The following ABCG1 variants were observed in gnomAD, a reference collection of about 807,000 sequenced individuals.
The protein encoded by ABCG1 is ATP binding cassette subfamily G member 1.
ABCG1 carries 29 observed loss-of-function variants against 69.2 expected under a neutral mutation model. The ratio of observed to expected loss-of-function variants is 0.42; its 90% CI spans 0.31 to 0.57. The LOEUF is 0.57. ABCG1 is among the 20% of genes least tolerant of loss of function. The pLI, the probability that ABCG1 is intolerant of heterozygous loss-of-function variation, is 0.15. For synonymous variants in ABCG1, 370 were observed against 374.8 expected (o/e 0.99, Z 0.15); for missense variants, 718 against 898.1 (o/e 0.80, Z 2.56).
chr21:42,232,609 C>T (rs1404120184), intron 2 of ABCG1, among the ~76,000 whole-genome samples: 1 of 152,198 alleles, frequency 6.6e-6, no homozygotes, highest in Non-Finnish European at 1.5e-5. Flanking sequence ...GGGTTGGTGT[C>T]ACTGTTTAAC....
chr21:42,240,573 C>T (rs2068036923), intron 2 of ABCG1, among the ~76,000 whole-genome samples: 1 of 152,228 alleles, frequency 6.6e-6, no homozygotes, highest in African/African-American at 2.4e-5. Context: ...GCCTCAGCCT[C>T]CCACGTAGCT....
intron 3 of ABCG1, among the ~76,000 whole-genome samples, chr21:42,272,154 A>G (rs895245579): frequency 6.6e-6 from 1 of 152,268 alleles, no homozygotes; most frequent in Non-Finnish European, 1.5e-5. Flanking sequence ...CCTTAATGCC[A>G]GAAATTGGGG....
intron 2 of ABCG1, among the ~76,000 whole-genome samples, chr21:42,241,150 C>T (rs2068045606): frequency 6.6e-6 from 1 of 152,262 alleles, no homozygotes; most frequent in Non-Finnish European, 1.5e-5. Flanking sequence ...TGGCCACGTT[C>T]AGACGTGACT....
intron 2 of ABCG1, among the ~76,000 whole-genome samples, chr21:42,227,381 C>T (rs996277353): frequency 7.9e-5 from 12 of 152,244 alleles, no homozygotes; most frequent in African/African-American, 2.4e-4. Context: ...ACCAGGACAC[C>T]GCGTCATGTT....
chr21:42,217,213 C>T (rs987854404), upstream of ABCG1, among the ~76,000 whole-genome samples: 10 of 152,066 alleles, frequency 6.6e-5, no homozygotes, highest in South Asian at 2.1e-4. Context: ...CATAAATCTT[C>T]GGGCAGAGAA....
chr21:42,206,719 A>G (rs2123465967), intron 2 of ABCG1, among the ~76,000 whole-genome samples: 1 of 152,242 alleles, frequency 6.6e-6, no homozygotes, highest in East Asian at 1.9e-4. Context: ...AGCCTCTCAA[A>G]GTGCTGTCCT....
intron 2 of ABCG1, among the ~76,000 whole-genome samples, chr21:42,249,791 G>C (rs952737150): frequency 2.0e-5 from 3 of 151,994 alleles, no homozygotes; most frequent in Non-Finnish European, 4.4e-5. Context: ...AGATCACCAG[G>C]GTCAGGAGTT....
rs937815620 is a variant in ABCG1 at position 42,288,522 on chromosome 21, C to T, written c.1224+210C>T. ...CAGGAGTTCAGACCAGCCTGGCCAA[C>T]GTGGGGAAACCCCATCTCTGCTAAA... On this transcript the variant is annotated intron_variant, in intron 10 of 14. Transcript: ENST00000398449. The surrounding 1 kb of genome is among the most constrained non-coding windows in gnomAD (Gnocchi z 4.8). Among the ~76,000 whole-genome samples, 7 of 152,196 alleles carry T rather than the reference C, an allele frequency of 4.6e-5. No homozygotes were observed. Among genetic ancestry groups the T allele is most frequent in the African/African-American group, 1.4e-4 (6 of 41,432 alleles).
chr21:42,207,547 C>T (rs529322932), intron 2 of ABCG1, among the ~76,000 whole-genome samples: 1 of 152,340 alleles, frequency 6.6e-6, no homozygotes, highest in African/African-American at 2.4e-5. Context: ...ATAATTCTAA[C>T]ACTGCTGTCC....
chr21:42,294,777 C>A, intron 14 of ABCG1, 117 bp downstream of exon 14: 1 of 883,648 alleles, frequency 1.1e-6, no homozygotes, highest in Non-Finnish European at 1.9e-6. Context: ...GAGCAGATTA[C>A]ACATCTGAGG....
chr21:42,265,371 G>A (rs1328160376), intron 2 of ABCG1, among the ~76,000 whole-genome samples: 4 of 152,210 alleles, frequency 2.6e-5, no homozygotes, highest in African/African-American at 9.7e-5. Flanking sequence ...ACTGCAGATG[G>A]CATTAGTTAA....
chr21:42,224,730 C>G (rs1165736422), intron 1 of ABCG1, among the ~76,000 whole-genome samples: 1 of 152,172 alleles, frequency 6.6e-6, no homozygotes, highest in East Asian at 1.9e-4. Context: ...AATTTGCTCC[C>G]CCAGGGTTCT....
At chr21:42,233,219 G>A (rs566314463) in intron 2 of ABCG1, among the ~76,000 whole-genome samples, 2 of 152,314 alleles carry the variant, frequency 1.3e-5, no homozygotes, top group African/African-American at 4.8e-5. Flanking sequence ...GTGCTCTGTG[G>A]GGTAAATGGC....
intron 7 of ABCG1, among the ~76,000 whole-genome samples, chr21:42,285,074 T>C (rs2068914743): frequency 6.6e-6 from 1 of 152,128 alleles, no homozygotes; most frequent in Non-Finnish European, 1.5e-5. Flanking sequence ...TGGTCGGTCA[T>C]GGGATCCTGG....
chr21:42,239,921 C>T (rs147825506), intron 2 of ABCG1, among the ~76,000 whole-genome samples: 357 of 152,314 alleles, frequency 2.3e-3, no homozygotes, highest in African/African-American at 8.0e-3. Flanking sequence ...CGGAAGGTTC[C>T]CCTTTGGTCA....
chr21:42,262,089 G>A (rs939118584), intron 2 of ABCG1, among the ~76,000 whole-genome samples: 19 of 152,156 alleles, frequency 1.2e-4, no homozygotes, highest in African/African-American at 4.3e-4. Context: ...ACCAGGACTG[G>A]GGGGTTAATG....
chr21:42,259,282 C>A, intron 2 of ABCG1: 1 of 1,521,206 alleles, frequency 6.6e-7, no homozygotes. Flanking sequence ...CTGTGCTCTG[C>A]CTGAGTTTGT....
chr21:42,215,566 C>T (rs761531781), upstream of ABCG1, among the ~76,000 whole-genome samples: 11 of 152,214 alleles, frequency 7.2e-5, 1 homozygote, highest in Non-Finnish European at 1.3e-4. Context: ...AGGAGCACAT[C>T]ACCCTGGCCT....
chr21:42,291,240 T>A lies in ABCG1; in HGVS notation c.1494+48T>A. The A allele has an allele frequency of 2.1e-6, 3 of 1,458,138 alleles. No individual in the cohort carries two copies. Among genetic ancestry groups the A allele is most frequent in the Non-Finnish European group, 2.9e-6 (3 of 1,043,720 alleles). The allele number at this position is 1,458,138 out of a possible 1,614,324, so 90.3% of individuals were successfully genotyped here. A position where few individuals can be genotyped will look rare whatever the true frequency, so the allele number is the denominator to read the frequency against. On this transcript the variant is annotated intron_variant, in intron 12 of 14. Transcript: ENST00000398449. The surrounding 1 kb of genome is among the most constrained non-coding windows in gnomAD (Gnocchi z 6.4). ...TTTGAAACGGGGGCAAGAGTTCTCC[T>A]GTACACCCTTTATATCGAGTAAGAG...
Sources: allele counts gnomAD v4.1 joint callset (sites outside exome capture counted in the v4.1 genomes callset), GRCh38; gene constraint gnomAD v4.1.1; non-coding constraint Gnocchi (gnomAD v3.1); transcripts MANE v1.5; gene names NCBI Gene and HGNC (gene_info 2026-07-23, HGNC 2026-07-21).